Variants in UBAP2L observed in about 807,000 individuals in gnomAD.
UBAP2L encodes the protein ubiquitin-associated protein 2-like.
In UBAP2L, 12 loss-of-function variants were observed where a neutral mutation model predicts 130.6. The ratio of observed to expected loss-of-function variants is 0.09; its 90% CI spans 0.06 to 0.15. UBAP2L has a LOEUF of 0.15. Among genes scored for constraint, UBAP2L ranks in the 10% least tolerant of loss-of-function variants. The probability of loss-of-function intolerance (pLI) is 1.00; values close to 1 mark genes in which losing one functional copy is unlikely to be tolerated. For synonymous variants in UBAP2L, 503 were observed against 524.7 expected (o/e 0.96, Z 0.57); for missense variants, 965 against 1,332.5 (o/e 0.72, Z 4.29).
At position 154,270,785 on chromosome 1, in the gene UBAP2L, TTGTAC is replaced by T; in HGVS notation, c.*494_*498del. 6 of 1,306,122 alleles carry T rather than the reference TTGTAC, an allele frequency of 4.6e-6. No homozygotes were observed. Among genetic ancestry groups the T allele is most frequent in the South Asian group, 3.4e-5 (2 of 58,672 alleles). The allele number at this position is 1,306,122 out of a possible 1,614,324, so 80.9% of individuals were successfully genotyped here. A position where few individuals can be genotyped will look rare whatever the true frequency, so the allele number is the denominator to read the frequency against. ...TTTTTTTTTTGTTTTTTTTTTTTTTTTGTACTGTGTCCTCAAATTTAATGGATTAA... is the reference window on the plus strand; with the variant it reads ...TTTTTTTTTTGTTTTTTTTTTTTTTTTGTGTCCTCAAATTTAATGGATTAA... On this transcript the variant is annotated 3_prime_UTR_variant, in exon 27 of 27. Transcript: ENST00000428931.
chr1:154,256,993 T>A, intron 18 of UBAP2L, 70 bp from the exon 19 acceptor site: 3 of 1,526,256 alleles, frequency 2.0e-6, no homozygotes, highest in Non-Finnish European at 1.8e-6. Flanking sequence ...GGAGGGATTG[T>A]CTTATTTTTC....
chr1:154,242,843 G>T (rs1192095246), intron 9 of UBAP2L: 1 of 153,894 alleles, frequency 6.5e-6, no homozygotes, highest in Non-Finnish European at 1.4e-5. Flanking sequence ...GTGGGGCTGT[G>T]AAGGGAGTAG....
At chr1:154,271,053 T>A, downstream of UBAP2L, 1 of 1,118,616 alleles carries the variant, frequency 8.9e-7, no homozygotes, top group Non-Finnish European at 1.3e-6. Flanking sequence ...TTCCTTCCCC[T>A]CACCCCTAAG....
intron 24 of UBAP2L, 112 bp downstream of exon 24, chr1:154,261,809 C>T (rs369062933): frequency 1.9e-6 from 2 of 1,061,702 alleles, no homozygotes; most frequent in Admixed American, 4.2e-5. Context: ...TGTGCCGCTG[C>T]CCCAGGTATG....
chr1:154,243,022 A>G (rs370636410), intron 9 of UBAP2L, 195 bp from the exon 10 acceptor site: 155 of 438,610 alleles, frequency 3.5e-4, no homozygotes, highest in African/African-American at 2.8e-3. Context: ...CCTTGCTTCT[A>G]CTCTTTCTTT....
chr1:154,243,908 T>G (rs1674434984), intron 10 of UBAP2L, among the ~76,000 whole-genome samples: 1 of 152,336 alleles, frequency 6.6e-6, no homozygotes, highest in East Asian at 1.9e-4. Flanking sequence ...ATAACTTGTT[T>G]TGAAGTAAGT....
intron 14 of UBAP2L, among the ~76,000 whole-genome samples, chr1:154,252,393 G>A (rs1254357978): frequency 6.7e-6 from 1 of 150,154 alleles, no homozygotes; most frequent in Non-Finnish European, 1.5e-5. Flanking sequence ...CAATTCTCCT[G>A]CCTCAGCTTC....
At chr1:154,263,410 C>A in intron 24 of UBAP2L, 1 of 1,245,560 alleles carries the variant, frequency 8.0e-7, no homozygotes, top group Non-Finnish European at 1.0e-6. Flanking sequence ...AATGCACACA[C>A]CTGCTGTTGC....
chr1:154,260,364 T>C (rs1285711016), intron 22 of UBAP2L, among the ~76,000 whole-genome samples: 3 of 152,182 alleles, frequency 2.0e-5, no homozygotes, highest in African/African-American at 7.2e-5. Flanking sequence ...TATCTTGACT[T>C]AGTTTCAAGC....
downstream of UBAP2L, chr1:154,271,034 T>G (rs1220935042): frequency 1.5e-6 from 2 of 1,304,104 alleles, no homozygotes; most frequent in African/African-American, 3.0e-5. Flanking sequence ...ATCTTGTCCT[T>G]GAGGGGATTT....
chr1:154,267,880 C>CT (rs869153080), intron 25 of UBAP2L, among the ~76,000 whole-genome samples: 741 of 52,054 alleles, frequency 0.014, 122 homozygotes, highest in Middle Eastern at 0.026. Context: ...CTTATTTGGT[C>CT]TTTTTTTTTT....
intron 15 of UBAP2L, chr1:154,254,530 CT>C (rs1678962827): frequency 2.0e-6 from 1 of 488,468 alleles, no homozygotes; most frequent in African/African-American, 2.0e-5. Context: ...CCAAAAATCA[CT>C]GGATGTGGAC....
At chr1:154,243,618 G>A (rs926385169) in intron 10 of UBAP2L, among the ~76,000 whole-genome samples, 85 of 152,028 alleles carry the variant, frequency 5.6e-4, no homozygotes, top group Non-Finnish European at 8.8e-5. Flanking sequence ...GTGCCACCAC[G>A]CCTGGCTAAT....
rs906686143 is a variant in UBAP2L at position 154,270,618 on chromosome 1, C to T, written c.*323C>T. On this transcript the variant is annotated 3_prime_UTR_variant, in exon 27 of 27. Transcript: ENST00000428931. Reference sequence around the variant, plus strand: ...TCACCCTGGTGGTGTACGGATGAGGCGGGGAGGTGGGACCCCCAAACATAT... The same window carrying T: ...TCACCCTGGTGGTGTACGGATGAGGTGGGGAGGTGGGACCCCCAAACATAT... 54 of 1,411,876 alleles carry T rather than the reference C, an allele frequency of 3.8e-5. No homozygotes were observed. The highest frequency in any genetic ancestry group is 1.8e-4 in the Middle Eastern group (1 of 5,434). 87.5% of individuals were successfully genotyped at this position (1,411,876 alleles called of 1,614,324 possible).
At chr1:154,247,476 T>G (rs896956081) in intron 11 of UBAP2L, among the ~76,000 whole-genome samples, 2 of 152,196 alleles carry the variant, frequency 1.3e-5, no homozygotes, top group Non-Finnish European at 2.9e-5. Flanking sequence ...GATAAATGAC[T>G]GGAAAATGTG....
chr1:154,270,287 G>A lies in UBAP2L; in HGVS notation c.3256G>A (p.Ala1086Thr). The stretch of plus-strand genomic sequence containing the variant: ...TGCCTACAACAGCTACAGCTGGGGG[G>A]CCAACTGAGGCCCTGACCCTCTTCT... ...KSAYNSYSWG[A>T]N The change falls in exon 27 of 27, where the codon GCC (alanine) becomes ACC (threonine). Residue 1086 changes from alanine (A) to threonine (T), a missense_variant. Ala to Thr is a moderately conservative substitution (Grantham distance 58). Coordinates refer to ENST00000428931, the MANE Select transcript of UBAP2L (RefSeq NM_014847.4). 1 of 1,613,916 alleles carries A rather than the reference G, an allele frequency of 6.2e-7. No homozygotes were observed. Among genetic ancestry groups the A allele is most frequent in the Non-Finnish European group, 8.5e-7 (1 of 1,179,926 alleles).
chr1:154,256,960 T>C (rs1251628582), intron 18 of UBAP2L, 103 bp from the exon 19 acceptor site: 3 of 1,360,408 alleles, frequency 2.2e-6, no homozygotes, highest in Non-Finnish European at 3.0e-6. Context: ...AATTAGGAAG[T>C]TGACATCATA....
rs755644906 is a variant in UBAP2L at position 154,251,195 on chromosome 1, G to T, written c.1368G>T (p.Leu456=). The stretch of plus-strand genomic sequence containing the variant: ...CACCTCCACCTCCGTCTTCTCCTCT[G>T]CCAAGCAAATCCACATCGGCTCCAC... The part of the protein sequence containing the change: ...TAAPPPPSSP[L]PSKSTSAPQM... The change falls in exon 13 of 27, where the codon CTG becomes CTT. Residue 456 remains leucine, a synonymous_variant. Coordinates refer to ENST00000428931, the MANE Select transcript of UBAP2L (RefSeq NM_014847.4). 5 of 1,614,026 alleles carry T rather than the reference G, an allele frequency of 3.1e-6. No individual in the cohort carries two copies. In the Admixed American group the frequency reaches 8.3e-5, roughly 27 times the overall value.
At chr1:154,238,398 A>G (rs981611421) in intron 8 of UBAP2L, among the ~76,000 whole-genome samples, 1 of 152,212 alleles carries the variant, frequency 6.6e-6, no homozygotes, top group Non-Finnish European at 1.5e-5. Context: ...TCAATAACAA[A>G]TAAGTTACTG....
Sources: gnomAD v4.1 joint callset for allele counts (sites outside exome capture counted in the v4.1 genomes callset) on GRCh38, gnomAD v4.1.1 for gene constraint, MANE v1.5 for transcripts, NCBI Gene and HGNC (gene_info 2026-07-23, HGNC 2026-07-21) for gene names.